INTS6: variants seen among roughly 807,000 people sequenced by gnomAD.
INTS6 encodes DEAD box protein.
Under a neutral mutation model 104.9 loss-of-function variants are expected in INTS6, and 16 were observed. The ratio of observed to expected loss-of-function variants is 0.15; its 90% CI spans 0.10 to 0.23. INTS6 has a LOEUF of 0.23. Among genes scored for constraint, INTS6 ranks in the 10% least tolerant of loss-of-function variants. The pLI is 1.00. For missense variants in INTS6, 584 were observed against 1,062.8 expected, an observed-to-expected ratio of 0.55 and a Z score of 6.26; for synonymous variants, 324 against 358.7, an observed-to-expected ratio of 0.90 and a Z score of 1.09.
At chr13:51,376,256 T>C in intron 12 of INTS6, 82 bp from the exon 13 acceptor site, 2 of 1,135,078 alleles carry the variant, frequency 1.8e-6, no homozygotes, top group Non-Finnish European at 2.4e-6. Context: ...GCAGCATAGG[T>C]TTGGAAATAA....
rs1955639297 is a variant in INTS6 at position 51,364,178 on chromosome 13, A to C, written c.*1574T>G. The C allele has an allele frequency of 1.3e-6, 1 of 796,206 alleles. No individual in the cohort carries two copies. Among genetic ancestry groups the C allele is most frequent in the African/African-American group, 1.8e-5 (1 of 56,268 alleles). The allele number at this position is 796,206 out of a possible 1,614,324, so 49.3% of individuals were successfully genotyped here. A position where few individuals can be genotyped will look rare whatever the true frequency, so the allele number is the denominator to read the frequency against. ...AAAAGTATTTGTATAGAAGTAAACA[A>C]AGCTTAAAGAACTGCATATGAAAAT... On this transcript the variant is annotated 3_prime_UTR_variant, in exon 18 of 18. Transcript: ENST00000311234.
At chr13:51,360,168 C>G (rs955209231), downstream of INTS6, among the ~76,000 whole-genome samples, 1 of 152,042 alleles carries the variant, frequency 6.6e-6, no homozygotes, top group Non-Finnish European at 1.5e-5. Context: ...AAACACAAAC[C>G]AATTTAAGCG....
intron 4 of INTS6, chr13:51,423,117 T>C (rs892848431): frequency 8.5e-7 from 1 of 1,172,248 alleles, no homozygotes; most frequent in African/African-American, 1.6e-5. Context: ...GAACTAAATA[T>C]AAACGTATGG....
intron 3 of INTS6, chr13:51,437,726 G>A (rs1298183451): frequency 6.6e-6 from 1 of 152,366 alleles, no homozygotes; most frequent in Admixed American, 6.5e-5. Flanking sequence ...GGCATAATGT[G>A]AGGCCGGGCG....
chr13:51,377,871 T>G (rs1335059772), intron 12 of INTS6, among the ~76,000 whole-genome samples: 1 of 152,142 alleles, frequency 6.6e-6, no homozygotes, highest in Admixed American at 6.5e-5. Flanking sequence ...TAAAGATATC[T>G]GTAACCATGA....
In INTS6 at chr13:51,452,270, C is replaced by T; in HGVS notation, c.111+145G>A. On this transcript the variant is annotated intron_variant, in intron 1 of 17. Coordinates refer to ENST00000311234, the MANE Select transcript of INTS6 (RefSeq NM_012141.3). The surrounding 1 kb of genome is among the most constrained non-coding windows in gnomAD (Gnocchi z 4.2). ...CCGAACCCGGCTCGCAGCGCCCGCC[C>T]GCCCGCGCGGTGGGGGAGGGGGTCC... The T allele has an allele frequency of 2.3e-6, 2 of 881,268 alleles. No homozygotes were observed. Among genetic ancestry groups the T allele is most frequent in the Non-Finnish European group, 2.9e-6 (2 of 693,224 alleles). The allele number at this position is 881,268 out of a possible 1,614,324, so 54.6% of individuals were successfully genotyped here.
At chr13:51,353,240 C>T (rs1001491418), downstream of INTS6, among the ~76,000 whole-genome samples, 1 of 152,054 alleles carries the variant, frequency 6.6e-6, no homozygotes, top group Non-Finnish European at 1.5e-5. Context: ...AGTTTTATTA[C>T]CCACCATAAT....
Position 51,361,858 on chromosome 13 carries a change from G to A in INTS6, c.*3894C>T, listed in dbSNP as rs368624621. 1.3e-4 allele frequency: 216 copies of A among 1,611,054 alleles called. No individual in the cohort carries two copies. The highest frequency in any genetic ancestry group is 3.4e-5 in the Admixed American group (2 of 59,612). On this transcript the variant is annotated 3_prime_UTR_variant, in exon 18 of 18. Coordinates refer to ENST00000311234, the MANE Select transcript of INTS6 (RefSeq NM_012141.3). The stretch of plus-strand genomic sequence containing the variant: ...CGGATTCCTATTTTTAAAGCAGATC[G>A]GCCATTCATCTATTTCCTGAGAGAA...
chr13:51,445,346 A>G (rs1952890177), intron 3 of INTS6: 1 of 152,232 alleles, frequency 6.6e-6, no homozygotes, highest in African/African-American at 2.4e-5. Context: ...AGAAAAACAT[A>G]TACTTCGTGA....
At chr13:51,429,758 T>C (rs567676130) in intron 4 of INTS6, among the ~76,000 whole-genome samples, 812 of 67,122 alleles carry the variant, frequency 0.012, 10 homozygotes, top group African/African-American at 0.068. Context: ...AGTGAGACTC[T>C]GTCTCAAAAA....
the INTS6 span, chr13:51,339,572 C>G: frequency 4.6e-5 from 7 of 152,200 alleles, no homozygotes; most frequent in African/African-American, 1.7e-4. Flanking sequence ...GAATTTGGAC[C>G]GAGTGGTAGA....
chr13:51,343,775 G>A, the INTS6 span, among the ~76,000 whole-genome samples: 1,293 of 152,226 alleles, frequency 8.5e-3, 16 homozygotes, highest in African/African-American at 0.029. Context: ...TTAAAGCCCC[G>A]TACAAGACAT....
At chr13:51,340,732 T>G in the INTS6 span, 1 of 311,078 alleles carries the variant, frequency 3.2e-6, no homozygotes. Context: ...TGAGTAGGAT[T>G]ACCTCTTACA....
At chr13:51,399,552 G>C (rs546311458) in intron 4 of INTS6, among the ~76,000 whole-genome samples, 2 of 152,274 alleles carry the variant, frequency 1.3e-5, no homozygotes, top group East Asian at 1.9e-4. Context: ...GGAATTGCTG[G>C]ATATGAATAT....
chr13:51,343,698 C>G, the INTS6 span, among the ~76,000 whole-genome samples: 8 of 152,310 alleles, frequency 5.3e-5, no homozygotes, highest in African/African-American at 1.7e-4. Context: ...AAATTGAAAG[C>G]ATAGTTCTAC....
chr13:51,434,956 C>T (rs1331782579), intron 3 of INTS6, among the ~76,000 whole-genome samples: 2 of 151,994 alleles, frequency 1.3e-5, no homozygotes, highest in Non-Finnish European at 2.9e-5. Flanking sequence ...GTCAAGCCTA[C>T]GCAATTTAAT....
At chr13:51,419,264 A>T (rs1956851966) in intron 4 of INTS6, among the ~76,000 whole-genome samples, 1 of 152,114 alleles carries the variant, frequency 6.6e-6, no homozygotes, top group Non-Finnish European at 1.5e-5. Context: ...AAATCTAATA[A>T]CTTTCTCCTC....
In INTS6 at chr13:51,389,334, G is replaced by A; in HGVS notation, c.724C>T (p.Pro242Ser). Residue 242 changes from proline to serine, a missense_variant, in exon 6 of 18, where the codon CCT becomes TCT. This residue lies in a region of INTS6 where 144 missense variants were observed against 348.7 expected (regional missense o/e 0.41). Transcript: ENST00000311234. Reference sequence around the variant, plus strand: ...GCAATAATACCTTCTACAGGGGAAGGATCTGGTCCTGCTTTTTCAAAGTTT... The same window carrying A: ...GCAATAATACCTTCTACAGGGGAAGAATCTGGTCCTGCTTTTTCAAAGTTT... Reference protein sequence around the residue: ...VINFEKAGPDPSPVEDGQPDI... With the variant: ...VINFEKAGPDSSPVEDGQPDI... The A allele has an allele frequency of 6.2e-7, 1 of 1,613,228 alleles. No individual in the cohort carries two copies. The highest frequency in any genetic ancestry group is 8.5e-7 in the Non-Finnish European group (1 of 1,179,668).
chr13:51,450,165 CACT>C (rs1383257238), intron 3 of INTS6: 1 of 984,838 alleles, frequency 1.0e-6, no homozygotes, highest in Non-Finnish European at 1.2e-6. Context: ...TAGTGCTTTT[CACT>C]ACAACATAAG....
Sources: gnomAD v4.1 joint callset for allele counts (sites outside exome capture counted in the v4.1 genomes callset) on GRCh38, gnomAD v4.1.1 for gene constraint, gnomAD v4.1.1 regional missense constraint, Gnocchi (gnomAD v3.1) non-coding constraint, MANE v1.5 for transcripts, NCBI Gene and HGNC (gene_info 2026-07-23, HGNC 2026-07-21) for gene names.